Variants in VWC2L observed in about 807,000 individuals in gnomAD.
VWC2L encodes von Willebrand factor C domain-containing protein 2-like.
VWC2L carries 10 observed loss-of-function variants against 21.6 expected under a neutral mutation model. The observed-to-expected ratio is 0.46, with a 90% CI of 0.29 to 0.78. The LOEUF (loss-of-function observed/expected upper bound fraction) is 0.78. VWC2L is among the 30% of genes least tolerant of loss of function. The pLI, the probability that VWC2L is intolerant of heterozygous loss-of-function variation, is 0.10. For missense variants in VWC2L, 209 were observed against 277.1 expected (o/e 0.75, Z 1.74); for synonymous variants, 96 against 94.3 (o/e 1.02, Z -0.10).
At chr2:214,526,950 T>A (rs1173029515) in intron 3 of VWC2L, among the ~76,000 whole-genome samples, 1 of 152,136 alleles carries the variant, frequency 6.6e-6, no homozygotes, top group Non-Finnish European at 1.5e-5. Flanking sequence ...AGACATGGAA[T>A]CAACCTAGGT....
intron 3 of VWC2L, among the ~76,000 whole-genome samples, chr2:214,495,146 T>A (rs2126202776): frequency 6.6e-6 from 1 of 152,336 alleles, no homozygotes; most frequent in Non-Finnish European, 1.5e-5. Flanking sequence ...TTCTCAAGAT[T>A]GGAAAACATT....
At chr2:214,573,845 T>C (rs1336376778) in intron 3 of VWC2L, among the ~76,000 whole-genome samples, 1 of 152,116 alleles carries the variant, frequency 6.6e-6, no homozygotes, top group African/African-American at 2.4e-5. Context: ...CTTAGAATCA[T>C]AGAATCAGAA....
chr2:214,537,965 T>C (rs1460979312), intron 3 of VWC2L, among the ~76,000 whole-genome samples: 1 of 146,602 alleles, frequency 6.8e-6, no homozygotes, highest in East Asian at 2.1e-4. Flanking sequence ...TAAGAAAATA[T>C]GTATATCATC....
intron 2 of VWC2L, 22 bp from the exon 3 acceptor site, chr2:214,436,607 C>T (rs1702682787): frequency 6.2e-7 from 1 of 1,611,224 alleles, no homozygotes; most frequent in African/African-American, 1.3e-5. Context: ...AGAAAAGGGG[C>T]TAATTTTAGA....
intron 3 of VWC2L, among the ~76,000 whole-genome samples, chr2:214,453,297 AGTT>A (rs1345705615): frequency 6.6e-6 from 1 of 152,190 alleles, no homozygotes; most frequent in Admixed American, 6.5e-5. Context: ...ATGAATATCC[AGTT>A]GTTTTAGCAC....
intron 3 of VWC2L, among the ~76,000 whole-genome samples, chr2:214,459,248 T>C (rs533261955): frequency 1.4e-4 from 22 of 152,336 alleles, no homozygotes; most frequent in Admixed American, 4.6e-4. Flanking sequence ...ACTTTTTGTT[T>C]CCATTTCAGT....
intron 3 of VWC2L, among the ~76,000 whole-genome samples, chr2:214,571,611 T>C (rs1453741153): frequency 1.3e-5 from 2 of 152,182 alleles, no homozygotes; most frequent in Non-Finnish European, 2.9e-5. Context: ...TTCCTAATAT[T>C]TGTCAGACAC....
At chr2:214,462,375 A>G (rs1200044132) in intron 3 of VWC2L, among the ~76,000 whole-genome samples, 1 of 152,192 alleles carries the variant, frequency 6.6e-6, no homozygotes, top group African/African-American at 2.4e-5. Flanking sequence ...AGCCTGGCCA[A>G]CTGCCTCATT....
At chr2:214,515,541 A>ATTTATTTAT (rs1173356309) in intron 3 of VWC2L, among the ~76,000 whole-genome samples, 1 of 152,054 alleles carries the variant, frequency 6.6e-6, no homozygotes, top group Non-Finnish European at 1.5e-5. Context: ...TTTTTCATTT[A>ATTTATTTAT]TTTATTTATT....
intron 3 of VWC2L, among the ~76,000 whole-genome samples, chr2:214,559,655 G>A (rs892510125): frequency 6.6e-6 from 1 of 151,436 alleles, no homozygotes; most frequent in Non-Finnish European, 1.5e-5. Context: ...TGTTGCCCAG[G>A]CTGCAGTGCA....
intron 3 of VWC2L, among the ~76,000 whole-genome samples, chr2:214,563,546 CAAA>C (rs55864016): frequency 2.5e-4 from 24 of 95,844 alleles, no homozygotes; most frequent in East Asian, 1.2e-3. Flanking sequence ...GACTCCGTCT[CAAA>C]AAAAAAAAAA....
chr2:214,539,606 T>C (rs568926313), intron 3 of VWC2L, among the ~76,000 whole-genome samples: 1 of 152,298 alleles, frequency 6.6e-6, no homozygotes, highest in South Asian at 2.1e-4. Flanking sequence ...TGACCTTGTA[T>C]AGTAGTTAAT....
intron 2 of VWC2L, among the ~76,000 whole-genome samples, chr2:214,422,124 G>A (rs866446295): frequency 1.3e-5 from 2 of 151,594 alleles, no homozygotes; most frequent in African/African-American, 2.4e-5. Flanking sequence ...TCCTGACCTC[G>A]TGATCCGCCC....
chr2:214,468,384 T>C (rs897264097), intron 3 of VWC2L, among the ~76,000 whole-genome samples: 2 of 152,174 alleles, frequency 1.3e-5, no homozygotes, highest in Non-Finnish European at 2.9e-5. Flanking sequence ...GAAATGCTGT[T>C]CCAAATACCT....
chr2:214,470,142 A>T (rs1443254108), intron 3 of VWC2L, among the ~76,000 whole-genome samples: 1 of 152,184 alleles, frequency 6.6e-6, no homozygotes, highest in African/African-American at 2.4e-5. Context: ...GAATAACTGT[A>T]GTTCCGAGAG....
chr2:214,531,937 T>C (rs1225895488), intron 3 of VWC2L, among the ~76,000 whole-genome samples: 1 of 152,140 alleles, frequency 6.6e-6, no homozygotes, highest in Non-Finnish European at 1.5e-5. Context: ...TCTACAGTGT[T>C]TCAATCTTCA....
chr2:214,501,965 A>C (rs993259134), intron 3 of VWC2L, among the ~76,000 whole-genome samples: 18 of 152,178 alleles, frequency 1.2e-4, no homozygotes, highest in Non-Finnish European at 2.2e-4. Flanking sequence ...GACTGCAGCC[A>C]CCTGAGTGGC....
rs74889031 is a variant in VWC2L at position 214,429,362 on chromosome 2, G to A, written c.391-7267G>A. ...TGTCAGTGAAGGACTAAGGACGGCTGCTTTTCCTGAGTATTTCACAAGTAT... is the reference window on the plus strand; with the variant it reads ...TGTCAGTGAAGGACTAAGGACGGCTACTTTTCCTGAGTATTTCACAAGTAT... On this transcript the variant is annotated intron_variant, in intron 2 of 3. Coordinates refer to ENST00000312504, the MANE Select transcript of VWC2L (RefSeq NM_001080500.4). Among the ~76,000 whole-genome samples, 1,313 of 152,258 alleles carry A rather than the reference G, an allele frequency of 8.6e-3. 24 individuals carry two copies. The highest frequency in any genetic ancestry group is 0.03 in the African/African-American group (1,227 of 41,544).
At chr2:214,429,801 C>CA (rs971662651) in intron 2 of VWC2L, among the ~76,000 whole-genome samples, 4 of 151,618 alleles carry the variant, frequency 2.6e-5, no homozygotes, top group Non-Finnish European at 4.4e-5. Flanking sequence ...AAAACTTTAC[C>CA]AAAAAAATTT....
Sources: allele counts gnomAD v4.1 joint callset (sites outside exome capture counted in the v4.1 genomes callset), GRCh38; gene constraint gnomAD v4.1.1; transcripts MANE v1.5; gene names NCBI Gene and HGNC (gene_info 2026-07-23, HGNC 2026-07-21).